RGS6: variants seen among roughly 807,000 people sequenced by gnomAD.
RGS6 encodes regulator of G-protein signaling 6.
RGS6 carries 30 observed loss-of-function variants against 78.5 expected under a neutral mutation model. The ratio of observed to expected loss-of-function variants is 0.38; its 90% CI spans 0.29 to 0.52. The LOEUF (loss-of-function observed/expected upper bound fraction) is 0.52, where lower values mean the gene tolerates loss of function less well. Ranked by LOEUF, RGS6 falls within the 20% of genes least tolerant of loss-of-function variation. The pLI is 0.85. For synonymous variants in RGS6, 206 were observed against 206.0 expected (o/e 1.00, Z 0.00); for missense variants, 495 against 609.7 (o/e 0.81, Z 1.98).
At chr14:72,491,445 C>A (rs1355922752) in intron 12 of RGS6, among the ~76,000 whole-genome samples, 1 of 152,200 alleles carries the variant, frequency 6.6e-6, no homozygotes, top group South Asian at 2.1e-4. Flanking sequence ...TTCATCTTCT[C>A]CCTTTCCTCA....
At chr14:71,949,029 G>A (rs1199392197) in intron 1 of RGS6, among the ~76,000 whole-genome samples, 2 of 152,012 alleles carry the variant, frequency 1.3e-5, no homozygotes, top group South Asian at 2.1e-4. Flanking sequence ...TTACTATATA[G>A]TATTCTACTT....
the RGS6 span, among the ~76,000 whole-genome samples, chr14:71,926,599 A>AGAAAAAG: frequency 1.3e-5 from 2 of 151,756 alleles, no homozygotes; most frequent in African/African-American, 4.9e-5. Context: ...AAAAAAAAAA[A>AGAAAAAG]AAAAAGAGTA....
the RGS6 span, among the ~76,000 whole-genome samples, chr14:71,917,562 A>G: frequency 2.6e-5 from 4 of 152,198 alleles, no homozygotes; most frequent in Non-Finnish European, 5.9e-5. Context: ...CAGGGTTGGT[A>G]GAAGTCACAG....
chr14:72,197,623 T>G (rs1052350567), intron 2 of RGS6, among the ~76,000 whole-genome samples: 83 of 152,220 alleles, frequency 5.5e-4, no homozygotes, highest in Non-Finnish European at 1.1e-3. Flanking sequence ...TGTGACAAAA[T>G]TTAGGAATCA....
chr14:71,968,868 C>T (rs916783384), intron 2 of RGS6, among the ~76,000 whole-genome samples: 5 of 152,194 alleles, frequency 3.3e-5, no homozygotes, highest in African/African-American at 9.7e-5. Flanking sequence ...GGTACATGTG[C>T]ACAACGTGCA....
chr14:72,044,175 CCT>C (rs939560305), intron 2 of RGS6, among the ~76,000 whole-genome samples: 1 of 152,140 alleles, frequency 6.6e-6, no homozygotes, highest in Non-Finnish European at 1.5e-5. Context: ...TTTCCATTTC[CCT>C]GTTGACATTA....
intron 3 of RGS6, among the ~76,000 whole-genome samples, chr14:72,412,902 T>C (rs2093530408): frequency 6.6e-6 from 1 of 151,816 alleles, no homozygotes; most frequent in Non-Finnish European, 1.5e-5. Flanking sequence ...TAATCCTGAG[T>C]TCTAGTTTGA....
At chr14:72,207,278 C>T (rs962793510) in intron 2 of RGS6, among the ~76,000 whole-genome samples, 2 of 152,182 alleles carry the variant, frequency 1.3e-5, no homozygotes, top group South Asian at 4.1e-4. Context: ...TGTGATTATT[C>T]CCTGCATATT....
chr14:72,407,919 T>C (rs925568075), intron 3 of RGS6, among the ~76,000 whole-genome samples: 26 of 152,346 alleles, frequency 1.7e-4, no homozygotes, highest in Admixed American at 1.6e-3. Context: ...AGGAGCCCTA[T>C]ATTGGAAACT....
chr14:72,233,498 A>C (rs2050195591), intron 2 of RGS6, among the ~76,000 whole-genome samples: 1 of 152,206 alleles, frequency 6.6e-6, no homozygotes, highest in African/African-American at 2.4e-5. Flanking sequence ...TGTATTAAAA[A>C]TAAGTTGAGA....
chr14:72,445,143 C>T (rs1289047122), intron 3 of RGS6, among the ~76,000 whole-genome samples: 3 of 152,194 alleles, frequency 2.0e-5, no homozygotes, highest in African/African-American at 7.2e-5. Flanking sequence ...TGAATTGCTA[C>T]CTAATATTTG....
At chr14:72,396,347 T>C (rs1473947872) in intron 3 of RGS6, among the ~76,000 whole-genome samples, 1 of 152,226 alleles carries the variant, frequency 6.6e-6, no homozygotes, top group Non-Finnish European at 1.5e-5. Flanking sequence ...TTTTGAGAAG[T>C]GTCTGTTCAT....
intron 2 of RGS6, among the ~76,000 whole-genome samples, chr14:72,318,576 C>T (rs1005831794): frequency 4.2e-4 from 64 of 152,134 alleles, no homozygotes; most frequent in South Asian, 4.1e-4. Flanking sequence ...CAATATATGA[C>T]GTAAGGCTGG....
intron 2 of RGS6, among the ~76,000 whole-genome samples, chr14:72,252,425 C>T (rs2056035018): frequency 6.6e-6 from 1 of 152,146 alleles, no homozygotes; most frequent in South Asian, 2.1e-4. Flanking sequence ...CAGATGATTA[C>T]CATCTAGTGA....
intron 2 of RGS6, among the ~76,000 whole-genome samples, chr14:71,966,653 TGTG>T (rs1361593085): frequency 1.3e-5 from 2 of 151,970 alleles, no homozygotes; most frequent in African/African-American, 4.8e-5. Flanking sequence ...GAAAAAAAAA[TGTG>T]GGAGGAAGGT....
chr14:72,377,907 G>T (rs999926867), intron 3 of RGS6, among the ~76,000 whole-genome samples: 2 of 152,154 alleles, frequency 1.3e-5, no homozygotes, highest in Non-Finnish European at 2.9e-5. Context: ...GAGCCCAAGA[G>T]GGTTGCAGTA....
intron 2 of RGS6, among the ~76,000 whole-genome samples, chr14:72,330,763 GA>G (rs1354523103): frequency 6.6e-6 from 1 of 152,126 alleles, no homozygotes; most frequent in Non-Finnish European, 1.5e-5. Flanking sequence ...CCTAGAGAAG[GA>G]GTGGCCAATT....
Position 72,110,743 on chromosome 14 carries a change from T to A in RGS6, c.84+145868T>A, listed in dbSNP as rs79707262. Among the ~76,000 whole-genome samples the A allele has an allele frequency of 2.8e-4, 43 of 152,256 alleles. No individual in the cohort carries two copies. The East Asian group carries it at 8.1e-3, about 29-fold the overall frequency. ...AGCAATAACGAAAACCAGAAATGTT[T>A]GGGGGAAAGAAGTTTTTGTCTGATC... On this transcript the variant is annotated intron_variant, in intron 2 of 17. Coordinates refer to ENST00000553525, the MANE Select transcript of RGS6 (RefSeq NM_001204424.2).
At chr14:71,994,824 T>C (rs2095125941) in intron 2 of RGS6, among the ~76,000 whole-genome samples, 1 of 152,004 alleles carries the variant, frequency 6.6e-6, no homozygotes, top group African/African-American at 2.4e-5. Context: ...AACACCTAGG[T>C]CCCAGACTTC....
Sources: gnomAD v4.1 joint callset for allele counts (sites outside exome capture counted in the v4.1 genomes callset) on GRCh38, gnomAD v4.1.1 for gene constraint, MANE v1.5 for transcripts, NCBI Gene and HGNC (gene_info 2026-07-23, HGNC 2026-07-21) for gene names.